Variants in MYLK observed in about 807,000 individuals in gnomAD.
The protein encoded by MYLK is myosin light chain kinase, smooth muscle.
Under a neutral mutation model 203.4 loss-of-function variants are expected in MYLK, and 106 were observed. The ratio of observed to expected loss-of-function variants is 0.52; its 90% confidence interval spans 0.45 to 0.61. MYLK has a LOEUF of 0.61. Ranked by LOEUF, MYLK falls within the 20% of genes least tolerant of loss-of-function variation. MYLK has a pLI of 0.00. For missense variants in MYLK, 2,072 were observed against 2,442.3 expected, an observed-to-expected ratio of 0.85 and a Z score of 3.20; for synonymous variants, 867 against 959.5, an observed-to-expected ratio of 0.90 and a Z score of 1.78.
chr3:123,681,260 CCAAAAAG>C (rs2060254111), intron 20 of MYLK: 1 of 152,144 alleles, frequency 6.6e-6, no homozygotes, highest in East Asian at 1.9e-4. Context: ...AAGCTGAGAT[CCAAAAAG>C]AGGGAGGTAG....
chr3:123,797,628 G>A (rs2065036377), intron 3 of MYLK, among the ~76,000 whole-genome samples: 4 of 152,250 alleles, frequency 2.6e-5, no homozygotes, highest in East Asian at 1.9e-4. Flanking sequence ...CAGGTATCAT[G>A]AGGATCAGAC....
intron 23 of MYLK, among the ~76,000 whole-genome samples, chr3:123,662,459 A>T (rs1280603052): frequency 6.6e-6 from 1 of 152,224 alleles, no homozygotes; most frequent in East Asian, 1.9e-4. Context: ...AAAGTCAAGG[A>T]ATCACAGACC....
chr3:123,678,343 AC>A (rs1339361972), intron 20 of MYLK, among the ~76,000 whole-genome samples: 6 of 151,296 alleles, frequency 4.0e-5, no homozygotes, highest in African/African-American at 1.5e-4. Context: ...CCATAACCTG[AC>A]CCCGTTTTCC....
At chr3:123,782,451 A>G (rs2064335306) in intron 4 of MYLK, among the ~76,000 whole-genome samples, 1 of 152,348 alleles carries the variant, frequency 6.6e-6, no homozygotes, top group East Asian at 1.9e-4. Context: ...CACATTGGTC[A>G]TTATTTATGA....
At position 123,701,421 on chromosome 3, in the gene MYLK, C is replaced by T; in HGVS notation, c.2462+17G>A. The T allele has an allele frequency of 1.9e-6, 3 of 1,613,776 alleles. No homozygotes were observed. Among genetic ancestry groups the T allele is most frequent in the Non-Finnish European group, 2.5e-6 (3 of 1,179,824 alleles). On this transcript the variant is annotated intron_variant, in intron 17 of 33. Transcript: ENST00000360304. The stretch of plus-strand genomic sequence containing the variant: ...ATGGGGGCATGGCCTGGAGGGGCAG[C>T]TCCTGGGGGCACTCACCGTGGAAGG...
In MYLK at chr3:123,733,832, G is replaced by T. The variant is rs777711774; in HGVS notation, c.1164C>A (p.Gly388=). 4 of 1,614,080 alleles carry T rather than the reference G, an allele frequency of 2.5e-6. No individual in the cohort carries two copies. The Admixed American group carries it at 6.7e-5, about 27-fold the overall frequency. The change falls in exon 10 of 34, where the codon GGC becomes GGA. Residue 388 remains glycine (G), a synonymous_variant. Transcript: ENST00000360304. The stretch of plus-strand genomic sequence containing the variant: ...TGCTCACAACATCTTGGCTCCCCAG[G>T]CCAGGCTGCCTGGTGGGGAAGGTGG... The part of the protein sequence containing the change: ...RPATFPTRQP[G]LGSQDVVSKA...
intron 2 of MYLK, among the ~76,000 whole-genome samples, chr3:123,849,874 C>T (rs2148664182): frequency 6.6e-6 from 1 of 151,960 alleles, no homozygotes; most frequent in Admixed American, 6.5e-5. Flanking sequence ...GGTATATCTC[C>T]TAATGCTATC....
intron 4 of MYLK, among the ~76,000 whole-genome samples, chr3:123,776,964 G>T (rs2109011778): frequency 6.6e-6 from 1 of 152,308 alleles, no homozygotes; most frequent in Middle Eastern, 3.4e-3. Context: ...AATAACTATA[G>T]GACAGAACGA....
chr3:123,686,501 G>A (rs1341990895), intron 19 of MYLK, among the ~76,000 whole-genome samples: 7 of 152,092 alleles, frequency 4.6e-5, no homozygotes, highest in African/African-American at 1.7e-4. Context: ...AGGGCAGAGG[G>A]GCTGGGCTCC....
At position 123,650,527 on chromosome 3, in the gene MYLK, G is replaced by A. The variant is rs532592353; in HGVS notation, c.4289-1333C>T. Among the ~76,000 whole-genome samples, 4 of 152,160 alleles carry A rather than the reference G, an allele frequency of 2.6e-5. No homozygotes were observed. The East Asian group carries it at 7.7e-4, about 29-fold the overall frequency. ...GAGTTCTTAAAATGCTGCTGACAAAGCTTAGTTTTTTTAAAAAAAGACTAA... is the reference window on the plus strand; with the variant it reads ...GAGTTCTTAAAATGCTGCTGACAAAACTTAGTTTTTTTAAAAAAAGACTAA... On this transcript the variant is annotated intron_variant, in intron 24 of 33. Coordinates refer to ENST00000360304, the MANE Select transcript of MYLK (RefSeq NM_053025.4).
At chr3:123,823,679 G>T (rs2066013827) in intron 3 of MYLK, among the ~76,000 whole-genome samples, 2 of 152,114 alleles carry the variant, frequency 1.3e-5, no homozygotes, top group South Asian at 4.1e-4. Context: ...CAGTCAGATT[G>T]CGGTGCTCCC....
At chr3:123,863,727 G>A (rs933703310) in intron 2 of MYLK, among the ~76,000 whole-genome samples, 1 of 152,120 alleles carries the variant, frequency 6.6e-6, no homozygotes, top group African/African-American at 2.4e-5. Context: ...ATGACGATGT[G>A]AAGCAACTAG....
chr3:123,847,652 T>C (rs2030195473), intron 2 of MYLK, among the ~76,000 whole-genome samples: 1 of 152,134 alleles, frequency 6.6e-6, no homozygotes, highest in South Asian at 2.1e-4. Flanking sequence ...CTAATGTTTT[T>C]TCTGTATGTA....
At chr3:123,856,871 G>T (rs2031427367) in intron 2 of MYLK, among the ~76,000 whole-genome samples, 1 of 151,862 alleles carries the variant, frequency 6.6e-6, no homozygotes, top group African/African-American at 2.4e-5. Flanking sequence ...CCTACAAAAT[G>T]GGATAAAATT....
Position 123,664,060 on chromosome 3 carries a change from C to T in MYLK, c.3985+45G>A, listed in dbSNP as rs1343630406. 2.5e-6 allele frequency: 4 copies of T among 1,612,856 alleles called. No individual in the cohort carries two copies. The African/African-American group carries it at 5.3e-5, about 22-fold the overall frequency. On this transcript the variant is annotated intron_variant, in intron 23 of 33. Transcript: ENST00000360304. Reference sequence around the variant, plus strand: ...CGTATCTTGCCTGGGGGCTCCCTGCCTTCCCCTTGCCCCAAGCTCCATGCC... The same window carrying T: ...CGTATCTTGCCTGGGGGCTCCCTGCTTTCCCCTTGCCCCAAGCTCCATGCC...
At position 123,790,145 on chromosome 3, in the gene MYLK, C is replaced by T. The variant is rs2064718201; in HGVS notation, c.165+3532G>A. Among the ~76,000 whole-genome samples the T allele has an allele frequency of 2.0e-5, 3 of 152,192 alleles. No homozygotes were observed. In the South Asian group the frequency reaches 6.2e-4, roughly 32 times the overall value. Reference sequence around the variant, plus strand: ...AATCCTTAGCGTGCAGGCTTGTTGCCTCATGGTTTTAATCTGGCTGCCCAA... The same window carrying T: ...AATCCTTAGCGTGCAGGCTTGTTGCTTCATGGTTTTAATCTGGCTGCCCAA... On this transcript the variant is annotated intron_variant, in intron 4 of 33. Coordinates refer to ENST00000360304, the MANE Select transcript of MYLK (RefSeq NM_053025.4).
chr3:123,679,275 C>T (rs2060178763), intron 20 of MYLK, among the ~76,000 whole-genome samples: 2 of 150,512 alleles, frequency 1.3e-5, no homozygotes, highest in African/African-American at 4.9e-5. Context: ...CCACTGCACT[C>T]CAGCCTGGTG....
At chr3:123,731,380 T>G (rs998287052) in intron 11 of MYLK, among the ~76,000 whole-genome samples, 4 of 152,226 alleles carry the variant, frequency 2.6e-5, no homozygotes, top group African/African-American at 9.7e-5. Context: ...CAGAAATGAT[T>G]TGTGCACACA....
At chr3:123,692,983 C>G (rs1458462443) in intron 18 of MYLK, 132 bp from the exon 19 acceptor site, 3 of 760,938 alleles carry the variant, frequency 3.9e-6, no homozygotes, top group Non-Finnish European at 7.0e-6. Flanking sequence ...TTGTGGGAAC[C>G]AATCCCCCAC....
Sources: gnomAD v4.1 joint callset for allele counts (sites outside exome capture counted in the v4.1 genomes callset) on GRCh38, gnomAD v4.1.1 for gene constraint, MANE v1.5 for transcripts, NCBI Gene and HGNC (gene_info 2026-07-23, HGNC 2026-07-21) for gene names.